RIN2: variants seen among roughly 807,000 people sequenced by gnomAD.
RIN2 encodes the protein Ras and Rab interactor 2.
Under a neutral mutation model 78.0 loss-of-function variants are expected in RIN2, and 36 were observed. The ratio of observed to expected loss-of-function variants is 0.46; its 90% CI spans 0.35 to 0.61. The LOEUF (loss-of-function observed/expected upper bound fraction) is 0.61, where lower values mean the gene tolerates loss of function less well. Ranked by LOEUF, RIN2 falls within the 20% of genes least tolerant of loss-of-function variation. RIN2 has a pLI of 0.00. For missense variants in RIN2, 1,087 were observed against 1,159.7 expected, an observed-to-expected ratio of 0.94 and a Z score of 0.91; for synonymous variants, 466 against 466.8, an observed-to-expected ratio of 1.00 and a Z score of 0.02.
chr20:19,830,505 A>G (rs1440387122), intron 2 of RIN2, among the ~76,000 whole-genome samples: 1 of 152,194 alleles, frequency 6.6e-6, no homozygotes, highest in Non-Finnish European at 1.5e-5. Context: ...TTCCAATGTC[A>G]TGTCCCACAG....
At chr20:19,950,753 C>G (rs1039949242) in intron 4 of RIN2, among the ~76,000 whole-genome samples, 2 of 152,076 alleles carry the variant, frequency 1.3e-5, no homozygotes, top group African/African-American at 4.8e-5. Flanking sequence ...CTCTGTCACC[C>G]AGGCTGGAGT....
At chr20:19,940,153 A>C (rs1401218964) in intron 4 of RIN2, among the ~76,000 whole-genome samples, 1 of 152,166 alleles carries the variant, frequency 6.6e-6, no homozygotes, top group Non-Finnish European at 1.5e-5. Flanking sequence ...CACCTGGCCT[A>C]TCTGTGCATT....
chr20:19,848,110 G>C (rs1370440076), intron 2 of RIN2, among the ~76,000 whole-genome samples: 3 of 152,152 alleles, frequency 2.0e-5, no homozygotes, highest in Admixed American at 2.0e-4. Context: ...TTGAGGTGTT[G>C]GTGGCATTCT....
chr20:19,970,966 T>G, intron 8 of RIN2, 37 bp downstream of exon 8: 1 of 1,504,416 alleles, frequency 6.6e-7, no homozygotes, highest in Non-Finnish European at 9.2e-7. Flanking sequence ...TATCTAAAAA[T>G]GAATCCATGG....
At chr20:19,887,723 T>C in intron 2 of RIN2, among the ~76,000 whole-genome samples, 1 of 152,164 alleles carries the variant, frequency 6.6e-6, no homozygotes, top group East Asian at 1.9e-4. Flanking sequence ...ATGGAAAACT[T>C]CAGAACAGAA....
chr20:19,910,546 T>C (rs1314156222), intron 3 of RIN2, among the ~76,000 whole-genome samples: 1 of 151,422 alleles, frequency 6.6e-6, no homozygotes, highest in South Asian at 2.1e-4. Flanking sequence ...TTTGAATTTT[T>C]TTTTCTCTGT....
At chr20:19,904,187 A>G (rs2039111150) in intron 3 of RIN2, among the ~76,000 whole-genome samples, 1 of 151,174 alleles carries the variant, frequency 6.6e-6, no homozygotes, top group Non-Finnish European at 1.5e-5. Context: ...AGCTGAGATC[A>G]TGCCATTGCA....
chr20:19,795,504 T>C (rs4814898), intron 1 of RIN2, among the ~76,000 whole-genome samples: 2,587 of 152,246 alleles, frequency 0.017, 83 homozygotes, highest in East Asian at 0.12. Flanking sequence ...GAAGCAATAT[T>C]AATGAAAATT....
At chr20:19,842,272 G>A (rs535577737) in intron 2 of RIN2, among the ~76,000 whole-genome samples, 2 of 151,732 alleles carry the variant, frequency 1.3e-5, no homozygotes, top group Non-Finnish European at 2.9e-5. Context: ...GCCCAGGCTG[G>A]AGTGTAGTGG....
intron 2 of RIN2, among the ~76,000 whole-genome samples, chr20:19,844,683 TTCC>T (rs1476118422): frequency 4.5e-4 from 10 of 22,146 alleles, no homozygotes; most frequent in African/African-American, 1.3e-3. Context: ...CTTCTTCTTC[TTCC>T]TCTTCCTCTT....
chr20:19,956,257 C>CA (rs11483774), intron 4 of RIN2, among the ~76,000 whole-genome samples: 16,192 of 50,274 alleles, frequency 0.32, 1,743 homozygotes, highest in East Asian at 0.55. Context: ...GACTCCATCT[C>CA]AAAAAAAAAA....
chr20:19,890,830 G>T (rs1023873157), intron 3 of RIN2, among the ~76,000 whole-genome samples: 2 of 152,106 alleles, frequency 1.3e-5, no homozygotes, highest in Non-Finnish European at 2.9e-5. Flanking sequence ...TATAGGATTC[G>T]GGGATCTAGG....
chr20:20,000,975 A>G lies in RIN2; in HGVS notation c.*39A>G. ...CTTCCCAGTGGTGCATCCAAAGGGG[A>G]GCTGGAAGCCTTGCCTTCCCGCTTC... On this transcript the variant is annotated 3_prime_UTR_variant, in exon 13 of 13. Transcript: ENST00000255006. 6.5e-7 allele frequency: 1 copy of G among 1,546,848 alleles called. No individual in the cohort carries two copies. The highest frequency in any genetic ancestry group is 8.8e-7 in the Non-Finnish European group (1 of 1,142,206).
intron 2 of RIN2, among the ~76,000 whole-genome samples, chr20:19,812,031 C>T (rs369147122): frequency 2.0e-5 from 3 of 151,446 alleles, no homozygotes; most frequent in African/African-American, 7.3e-5. Context: ...TTAAAGTCAT[C>T]CACGTTGTAG....
chr20:19,851,030 GA>G (rs1331600828), intron 2 of RIN2, among the ~76,000 whole-genome samples: 52 of 106,412 alleles, frequency 4.9e-4, no homozygotes, highest in Middle Eastern at 4.6e-3. Flanking sequence ...AGGAAGGAAG[GA>G]AGGAAGGAAG....
chr20:19,947,380 A>C (rs1448465918), intron 4 of RIN2, among the ~76,000 whole-genome samples: 1 of 152,146 alleles, frequency 6.6e-6, no homozygotes. Context: ...TAAATATCAA[A>C]ATTAACCTAC....
chr20:19,919,384 T>A (rs543295110), intron 3 of RIN2, among the ~76,000 whole-genome samples: 2 of 152,328 alleles, frequency 1.3e-5, no homozygotes, highest in Non-Finnish European at 2.9e-5. Flanking sequence ...TCAGCACATT[T>A]CAGTTATAAG....
At chr20:19,787,936 G>A (rs2034736116) in intron 1 of RIN2, among the ~76,000 whole-genome samples, 1 of 152,134 alleles carries the variant, frequency 6.6e-6, no homozygotes, top group Non-Finnish European at 1.5e-5. Flanking sequence ...TTTCCAAATA[G>A]AGGAAGACTT....
intron 9 of RIN2, among the ~76,000 whole-genome samples, chr20:19,989,043 A>G (rs2042711752): frequency 6.6e-6 from 1 of 152,116 alleles, no homozygotes. Context: ...ACCCCTAAAT[A>G]CTTCAATGCA....
Sources: allele counts gnomAD v4.1 joint callset (sites outside exome capture counted in the v4.1 genomes callset), GRCh38; gene constraint gnomAD v4.1.1; transcripts MANE v1.5; gene names NCBI Gene and HGNC (gene_info 2026-07-23, HGNC 2026-07-21).